The following STPG2 variants were observed in gnomAD, a reference collection of about 807,000 sequenced individuals.
The protein encoded by STPG2 is sperm tail PG-rich repeat containing 2.
In STPG2, 56 loss-of-function variants were observed where a neutral mutation model predicts 54.2. That is an observed-to-expected ratio of 1.03 (90% CI 0.83 to 1.29). The LOEUF (loss-of-function observed/expected upper bound fraction) is 1.29, where lower values mean the gene tolerates loss of function less well. STPG2 is among the 50% of genes most tolerant of loss of function. The probability of loss-of-function intolerance (pLI) is 0.00; values close to 1 mark genes in which losing one functional copy is unlikely to be tolerated. For missense variants in STPG2, 596 were observed against 544.9 expected, an observed-to-expected ratio of 1.09 and a Z score of -0.93; for synonymous variants, 200 against 181.8, an observed-to-expected ratio of 1.10 and a Z score of -0.81.
intron 4 of STPG2, among the ~76,000 whole-genome samples, chr4:97,470,678 T>G (rs1729902055): frequency 1.3e-5 from 2 of 152,068 alleles, no homozygotes; most frequent in Non-Finnish European, 2.9e-5. Context: ...TAATAAAAGT[T>G]ATATGAATGT....
At chr4:97,742,961 C>A (rs905710738) in intron 9 of STPG2, among the ~76,000 whole-genome samples, 83 of 151,634 alleles carry the variant, frequency 5.5e-4, no homozygotes, top group African/African-American at 1.9e-3. Flanking sequence ...TAATTGGCTT[C>A]ACTGTAATAA....
chr4:97,952,194 G>A (rs1349930777), intron 7 of STPG2, among the ~76,000 whole-genome samples: 1 of 152,112 alleles, frequency 6.6e-6, no homozygotes, highest in Non-Finnish European at 1.5e-5. Flanking sequence ...ACCCTGAAAT[G>A]TTTGAAAAAG....
chr4:98,054,910 T>G (rs992164930), intron 5 of STPG2, among the ~76,000 whole-genome samples: 3 of 152,146 alleles, frequency 2.0e-5, no homozygotes, highest in Admixed American at 6.5e-5. Flanking sequence ...AGGACAAAAC[T>G]AATGTCCTAC....
chr4:97,695,154 G>C (rs1221127285), intron 10 of STPG2, among the ~76,000 whole-genome samples: 2 of 149,720 alleles, frequency 1.3e-5, no homozygotes, highest in African/African-American at 4.9e-5. Context: ...CCGTGATCAA[G>C]TGGGTTTCAT....
At chr4:97,970,586 T>G (rs745913154) in intron 7 of STPG2, among the ~76,000 whole-genome samples, 1 of 152,036 alleles carries the variant, frequency 6.6e-6, no homozygotes, top group Non-Finnish European at 1.5e-5. Flanking sequence ...ATAAATGATG[T>G]TGGGAAAACT....
intron 10 of STPG2, among the ~76,000 whole-genome samples, chr4:97,648,117 G>A (rs1721962286): frequency 6.6e-6 from 1 of 152,130 alleles, no homozygotes; most frequent in South Asian, 2.1e-4. Flanking sequence ...AATCCTAGGG[G>A]AAGGCTGGGT....
At chr4:97,599,502 TA>T (rs1480610372) in intron 10 of STPG2, among the ~76,000 whole-genome samples, 1 of 152,132 alleles carries the variant, frequency 6.6e-6, no homozygotes, top group Non-Finnish European at 1.5e-5. Context: ...CCTAAATGCC[TA>T]TCAATGGTAG....
intron 5 of STPG2, among the ~76,000 whole-genome samples, chr4:98,056,763 G>C (rs1275611258): frequency 6.6e-6 from 1 of 152,148 alleles, no homozygotes; most frequent in East Asian, 1.9e-4. Flanking sequence ...CATGGGGGCA[G>C]ACTTCCCCCT....
At chr4:97,909,054 G>A (rs1189991771) in intron 8 of STPG2, among the ~76,000 whole-genome samples, 1 of 149,664 alleles carries the variant, frequency 6.7e-6, no homozygotes, top group East Asian at 2.0e-4. Context: ...AGTTGTGGCA[G>A]CTGCTATAAT....
At chr4:97,842,309 A>G (rs571139916) in intron 8 of STPG2, among the ~76,000 whole-genome samples, 1 of 152,000 alleles carries the variant, frequency 6.6e-6, no homozygotes, top group Admixed American at 6.6e-5. Flanking sequence ...CTGCATCAAG[A>G]GTATATACAG....
intron 8 of STPG2, among the ~76,000 whole-genome samples, chr4:97,905,589 C>A (rs1176708019): frequency 6.6e-6 from 1 of 151,786 alleles, no homozygotes; most frequent in East Asian, 1.9e-4. Flanking sequence ...ATGACAGGAT[C>A]AAATTCACAC....
chr4:97,787,587 T>C (rs1726865839), intron 9 of STPG2, among the ~76,000 whole-genome samples: 1 of 152,050 alleles, frequency 6.6e-6, no homozygotes, highest in Non-Finnish European at 1.5e-5. Context: ...TTTTCTTATA[T>C]TGTAATCTAT....
At chr4:98,042,742 T>C (rs1485682610) in intron 5 of STPG2, among the ~76,000 whole-genome samples, 1 of 151,992 alleles carries the variant, frequency 6.6e-6, no homozygotes, top group African/African-American at 2.4e-5. Context: ...ATCTTGGAAG[T>C]GTTCCATGTG....
chr4:97,865,742 C>A (rs1729747123), intron 8 of STPG2, among the ~76,000 whole-genome samples: 1 of 151,830 alleles, frequency 6.6e-6, no homozygotes, highest in Non-Finnish European at 1.5e-5. Flanking sequence ...AAGAGATATA[C>A]CTAATGTAAA....
intron 4 of STPG2, among the ~76,000 whole-genome samples, chr4:97,535,859 T>C (rs778446149): frequency 3.3e-5 from 5 of 152,192 alleles, no homozygotes; most frequent in African/African-American, 9.6e-5. Flanking sequence ...TATAGTTCCA[T>C]ATGAGTTAGA....
chr4:97,601,053 G>A (rs1733446376), intron 10 of STPG2, among the ~76,000 whole-genome samples: 1 of 152,048 alleles, frequency 6.6e-6, no homozygotes, highest in Admixed American at 6.6e-5. Flanking sequence ...ATTGGGATAG[G>A]AGTGGGATGG....
intron 8 of STPG2, among the ~76,000 whole-genome samples, chr4:97,882,211 G>A (rs550927028): frequency 1.3e-5 from 2 of 152,264 alleles, no homozygotes; most frequent in African/African-American, 2.4e-5. Flanking sequence ...AAGAGAATTA[G>A]CACTACACTA....
At chr4:97,828,654 T>C (rs568431651) in intron 9 of STPG2, among the ~76,000 whole-genome samples, 1 of 152,218 alleles carries the variant, frequency 6.6e-6, no homozygotes, top group Non-Finnish European at 1.5e-5. Flanking sequence ...CCTGAAATTT[T>C]TGCTGCCAGC....
chr4:97,449,347 C>T (rs1729308688), intron 4 of STPG2, among the ~76,000 whole-genome samples: 1 of 152,136 alleles, frequency 6.6e-6, no homozygotes, highest in Non-Finnish European at 1.5e-5. Flanking sequence ...TTGTTAAATG[C>T]ATATTATCTG....
Sources: allele counts gnomAD v4.1 joint callset (sites outside exome capture counted in the v4.1 genomes callset), GRCh38; gene constraint gnomAD v4.1.1; transcripts MANE v1.5; gene names NCBI Gene and HGNC (gene_info 2026-07-23, HGNC 2026-07-21).